The following BCKDHB variants were observed in gnomAD, a reference collection of about 807,000 sequenced individuals.
BCKDHB encodes the protein branched chain keto acid dehydrogenase E1 subunit beta.
BCKDHB carries 41 observed loss-of-function variants against 48.5 expected under a neutral mutation model. The observed-to-expected ratio is 0.85, with a 90% CI of 0.66 to 1.10. The LOEUF (loss-of-function observed/expected upper bound fraction) is 1.10. BCKDHB is among the 50% of genes least tolerant of loss of function. The pLI is 0.00. For synonymous variants in BCKDHB, 201 were observed against 174.8 expected, an observed-to-expected ratio of 1.15 and a Z score of -1.18; for missense variants, 496 against 494.2, an observed-to-expected ratio of 1.00 and a Z score of -0.03.
the BCKDHB span, among the ~76,000 whole-genome samples, chr6:80,419,383 C>A: frequency 6.6e-6 from 1 of 152,094 alleles, no homozygotes; most frequent in African/African-American, 2.4e-5. Flanking sequence ...CAGGGATGGC[C>A]AGGCTGGGGC....
intron 6 of BCKDHB, among the ~76,000 whole-genome samples, chr6:80,191,175 G>T (rs1023725916): frequency 6.6e-6 from 1 of 152,162 alleles, no homozygotes; most frequent in Non-Finnish European, 1.5e-5. Context: ...GGTTGCCCTC[G>T]AGAAGAGGGT....
At chr6:80,244,300 A>G (rs113854891) in intron 8 of BCKDHB, among the ~76,000 whole-genome samples, 34 of 152,226 alleles carry the variant, frequency 2.2e-4, no homozygotes, top group African/African-American at 8.0e-4. Flanking sequence ...CCACAGCACA[A>G]CCTGACTAGA....
the BCKDHB span, chr6:80,374,704 G>A: frequency 1.2e-5 from 4 of 340,186 alleles, no homozygotes; most frequent in Middle Eastern, 8.7e-4. Context: ...TTTGTCACCC[G>A]AATATCTAGG....
At chr6:80,288,678 C>G (rs1344610851) in intron 9 of BCKDHB, among the ~76,000 whole-genome samples, 1 of 152,038 alleles carries the variant, frequency 6.6e-6, no homozygotes, top group African/African-American at 2.4e-5. Context: ...ATGTGATTGC[C>G]TAAGCCGACT....
the BCKDHB span, among the ~76,000 whole-genome samples, chr6:80,442,683 G>T: frequency 6.6e-6 from 1 of 152,120 alleles, no homozygotes; most frequent in Admixed American, 6.6e-5. Flanking sequence ...TCCCCTCACT[G>T]CCCTCCCCAT....
chr6:80,443,921 C>G, the BCKDHB span, among the ~76,000 whole-genome samples: 1 of 151,840 alleles, frequency 6.6e-6, no homozygotes, highest in Non-Finnish European at 1.5e-5. Flanking sequence ...CTGGAGTCAT[C>G]TAAGCCAAGA....
chr6:80,427,863 C>T, the BCKDHB span, among the ~76,000 whole-genome samples: 1 of 152,004 alleles, frequency 6.6e-6, no homozygotes, highest in East Asian at 1.9e-4. Flanking sequence ...GTGTTTTCCC[C>T]TTCCTCTGGC....
At chr6:80,387,180 G>A in the BCKDHB span, among the ~76,000 whole-genome samples, 1 of 152,144 alleles carries the variant, frequency 6.6e-6, no homozygotes, top group Non-Finnish European at 1.5e-5. Flanking sequence ...GCTCAGCTCT[G>A]ACTTACAGTG....
At chr6:80,283,967 G>A (rs904971548) in intron 9 of BCKDHB, among the ~76,000 whole-genome samples, 3 of 152,126 alleles carry the variant, frequency 2.0e-5, no homozygotes, top group African/African-American at 7.2e-5. Context: ...AGAAATGTTA[G>A]CCATGTTTTG....
At chr6:80,359,624 TC>T in the BCKDHB span, among the ~76,000 whole-genome samples, 1 of 152,214 alleles carries the variant, frequency 6.6e-6, no homozygotes, top group Non-Finnish European at 1.5e-5. Flanking sequence ...AGATGGAGTC[TC>T]CCTCTGTCGC....
intron 8 of BCKDHB, among the ~76,000 whole-genome samples, chr6:80,220,304 GTTT>G (rs56967096): frequency 3.3e-5 from 2 of 60,860 alleles, no homozygotes; most frequent in Non-Finnish European, 5.8e-5. Context: ...CATGCTATTT[GTTT>G]TTTTTTTTTT....
At chr6:80,334,717 C>T (rs1447188439) in intron 9 of BCKDHB, among the ~76,000 whole-genome samples, 1 of 151,634 alleles carries the variant, frequency 6.6e-6, no homozygotes, top group East Asian at 1.9e-4. Context: ...TAGATTCCCC[C>T]CTCCCCCTTT....
the BCKDHB span, among the ~76,000 whole-genome samples, chr6:80,369,364 G>A: frequency 2.6e-5 from 4 of 152,066 alleles, no homozygotes; most frequent in South Asian, 2.1e-4. Flanking sequence ...TGTTATTCTC[G>A]CATTTCCAGT....
At chr6:80,107,780 A>G (rs912684081) in intron 1 of BCKDHB, among the ~76,000 whole-genome samples, 1 of 151,992 alleles carries the variant, frequency 6.6e-6, no homozygotes, top group African/African-American at 2.4e-5. Context: ...TAGGAAGGGC[A>G]TGTAGCAAAC....
chr6:80,182,617 A>G (rs777908316), intron 6 of BCKDHB, among the ~76,000 whole-genome samples: 3 of 152,134 alleles, frequency 2.0e-5, no homozygotes, highest in Non-Finnish European at 4.4e-5. Context: ...GCTCACTTTG[A>G]ACTCCTTTCC....
the BCKDHB span, among the ~76,000 whole-genome samples, chr6:80,455,612 A>G: frequency 6.6e-6 from 1 of 151,068 alleles, no homozygotes; most frequent in Non-Finnish European, 1.5e-5. Flanking sequence ...CAACGGAGAA[A>G]TTTCTCACTA....
chr6:80,463,450 A>G, the BCKDHB span, among the ~76,000 whole-genome samples: 1 of 152,188 alleles, frequency 6.6e-6, no homozygotes, highest in African/African-American at 2.4e-5. Context: ...TTGTCCTTAT[A>G]AGGTAGATGT....
intron 1 of BCKDHB, among the ~76,000 whole-genome samples, chr6:80,117,928 G>T (rs981044798): frequency 6.6e-6 from 1 of 152,110 alleles, no homozygotes; most frequent in Non-Finnish European, 1.5e-5. Flanking sequence ...ACACCGCTGG[G>T]TTAGTGTCTC....
At chr6:80,386,761 G>A in the BCKDHB span, among the ~76,000 whole-genome samples, 1 of 152,162 alleles carries the variant, frequency 6.6e-6, no homozygotes, top group African/African-American at 2.4e-5. Context: ...TTGATAGGAA[G>A]CCTATTGCAT....
Sources: gnomAD v4.1 joint callset for allele counts (sites outside exome capture counted in the v4.1 genomes callset) on GRCh38, gnomAD v4.1.1 for gene constraint, MANE v1.5 for transcripts, NCBI Gene and HGNC (gene_info 2026-07-23, HGNC 2026-07-21) for gene names.